The following PREX2 variants were observed in gnomAD, a reference collection of about 807,000 sequenced individuals.
PREX2 encodes the protein phosphatidylinositol 3,4,5-trisphosphate-dependent Rac exchanger 2 protein.
A neutral mutation model predicts 203.2 loss-of-function variants in PREX2; 107 were observed. The observed-to-expected ratio is 0.53, with a 90% confidence interval of 0.45 to 0.62. The LOEUF is 0.62. Among genes scored for constraint, PREX2 ranks in the 20% least tolerant of loss-of-function variants. The pLI is 0.00. For synonymous variants in PREX2, 672 were observed against 663.6 expected (o/e 1.01, Z -0.19); for missense variants, 1,777 against 1,955.9 (o/e 0.91, Z 1.72).
chr8:68,151,291 C>T (rs1318748516), intron 34 of PREX2, among the ~76,000 whole-genome samples: 1 of 151,976 alleles, frequency 6.6e-6, no homozygotes, highest in Non-Finnish European at 1.5e-5. Context: ...GTGGCACACA[C>T]CTGTAGTCCT....
intron 11 of PREX2, among the ~76,000 whole-genome samples, chr8:68,063,520 C>T (rs1339483307): frequency 6.6e-6 from 1 of 152,128 alleles, no homozygotes; most frequent in African/African-American, 2.4e-5. Flanking sequence ...CATCCTCTGC[C>T]ACGGATTGGA....
At chr8:68,017,788 C>A in intron 1 of PREX2, 58 bp from the exon 2 acceptor site, 1 of 1,380,374 alleles carries the variant, frequency 7.2e-7, no homozygotes, top group Non-Finnish European at 1.0e-6. Flanking sequence ...TTCTACTCAA[C>A]ACCCAGTCAT....
intron 35 of PREX2, among the ~76,000 whole-genome samples, chr8:68,165,372 C>T (rs1052760859): frequency 2.9e-4 from 44 of 152,090 alleles, no homozygotes; most frequent in African/African-American, 8.9e-4. Flanking sequence ...TTTTGGAGAC[C>T]CATCTTGTTC....
chr8:68,018,049 T>C (rs1807456017), intron 2 of PREX2, 132 bp downstream of exon 2: 4 of 662,418 alleles, frequency 6.0e-6, no homozygotes, highest in Admixed American at 2.5e-5. Context: ...GTCAGTTGTA[T>C]TGGTAATAAT....
intron 25 of PREX2, among the ~76,000 whole-genome samples, chr8:68,112,413 CA>C (rs913326862): frequency 2.0e-5 from 3 of 152,072 alleles, no homozygotes; most frequent in African/African-American, 7.2e-5. Context: ...CTTCATTTTG[CA>C]GGTGCCAGAC....
Position 68,121,462 on chromosome 8 carries a change from T to C in PREX2, c.3724+413T>C, listed in dbSNP as rs372823491. The stretch of plus-strand genomic sequence containing the variant: ...CAAAATAATCACATAGGTTGCATCA[T>C]TGATTTTTAAGTTTTTATATCAGAA... On this transcript the variant is annotated intron_variant, in intron 30 of 39. Transcript: ENST00000288368. Among the ~76,000 whole-genome samples the C allele has an allele frequency of 1.8e-4, 27 of 152,252 alleles. No homozygotes were observed. The South Asian group carries it at 2.9e-3, about 16-fold the overall frequency.
chr8:68,061,393 A>G (rs1344434994), intron 11 of PREX2, among the ~76,000 whole-genome samples: 2 of 152,198 alleles, frequency 1.3e-5, no homozygotes, highest in Non-Finnish European at 2.9e-5. Flanking sequence ...AAGCAGAGCC[A>G]TGATCAGAAC....
At chr8:67,969,393 C>G (rs894788057) in intron 1 of PREX2, among the ~76,000 whole-genome samples, 4 of 152,232 alleles carry the variant, frequency 2.6e-5, no homozygotes, top group African/African-American at 9.6e-5. Flanking sequence ...TCATCACCCC[C>G]TGTATCTTTT....
intron 35 of PREX2, among the ~76,000 whole-genome samples, chr8:68,165,841 T>C (rs1375988018): frequency 6.6e-6 from 1 of 152,210 alleles, no homozygotes; most frequent in African/African-American, 2.4e-5. Context: ...TCCACTTTCC[T>C]AGATATTTAC....
intron 1 of PREX2, among the ~76,000 whole-genome samples, chr8:67,998,217 T>C (rs973743654): frequency 1.3e-5 from 2 of 152,202 alleles, no homozygotes; most frequent in African/African-American, 4.8e-5. Flanking sequence ...AGAAGTTCTC[T>C]TTCTATCCTG....
chr8:68,087,813 G>GT lies in PREX2; in HGVS notation c.2113+4_2113+5insT. 1 of 1,607,042 alleles carries GT rather than the reference G, an allele frequency of 6.2e-7. No homozygotes were observed. Among genetic ancestry groups the GT allele is most frequent in the Non-Finnish European group, 8.5e-7 (1 of 1,173,590 alleles). ...GTTGTGCATGCTGTAGGAAGAGGTA[G>GT]GAAATTCGTCTTGCAGGGAAACAGC... On this transcript the variant is annotated splice_donor_region_variant and intron_variant, in intron 19 of 39. Transcript: ENST00000288368.
chr8:68,207,267 C>G (rs1007701835), intron 37 of PREX2, among the ~76,000 whole-genome samples: 4 of 152,150 alleles, frequency 2.6e-5, no homozygotes, highest in East Asian at 1.9e-4. Flanking sequence ...GAATCATATC[C>G]CATTTAGAAG....
At chr8:68,111,712 C>T (rs919413578) in intron 25 of PREX2, among the ~76,000 whole-genome samples, 2 of 152,132 alleles carry the variant, frequency 1.3e-5, no homozygotes, top group African/African-American at 4.8e-5. Flanking sequence ...AGGTTCCACA[C>T]AACTTAATGT....
chr8:68,181,968 G>C (rs1372063176), intron 35 of PREX2, among the ~76,000 whole-genome samples: 1 of 152,018 alleles, frequency 6.6e-6, no homozygotes, highest in South Asian at 2.1e-4. Flanking sequence ...GAAGTTAAGG[G>C]ATGTGCCAGG....
chr8:68,122,502 T>C (rs1280445502), intron 30 of PREX2, among the ~76,000 whole-genome samples: 1 of 152,096 alleles, frequency 6.6e-6, no homozygotes, highest in Non-Finnish European at 1.5e-5. Context: ...AGTATATACT[T>C]TACTGAGTAA....
At chr8:67,990,419 C>T (rs748464439) in intron 1 of PREX2, among the ~76,000 whole-genome samples, 1 of 151,088 alleles carries the variant, frequency 6.6e-6, no homozygotes, top group East Asian at 1.9e-4. Flanking sequence ...CTTAGGTCAA[C>T]TCCAATGGAT....
At chr8:68,071,562 C>G (rs1809195986) in intron 13 of PREX2, among the ~76,000 whole-genome samples, 1 of 151,960 alleles carries the variant, frequency 6.6e-6, no homozygotes, top group Admixed American at 6.6e-5. Context: ...TTTTTATGAT[C>G]CAGGTTTGGA....
chr8:68,043,309 C>T (rs549448523), intron 7 of PREX2, among the ~76,000 whole-genome samples: 1 of 152,008 alleles, frequency 6.6e-6, no homozygotes, highest in East Asian at 1.9e-4. Flanking sequence ...ACTAATGAAT[C>T]GATTTGCTTA....
intron 13 of PREX2, 145 bp downstream of exon 13, chr8:68,070,029 G>A (rs1809151712): frequency 2.3e-6 from 1 of 431,058 alleles, no homozygotes; most frequent in Non-Finnish European, 4.1e-6. Flanking sequence ...ATAATTTATT[G>A]TAAAATATCC....
Sources: allele counts gnomAD v4.1 joint callset (sites outside exome capture counted in the v4.1 genomes callset), GRCh38; gene constraint gnomAD v4.1.1; transcripts MANE v1.5; gene names NCBI Gene and HGNC (gene_info 2026-07-23, HGNC 2026-07-21).